MAF: variants seen among roughly 807,000 people sequenced by gnomAD.
The protein encoded by MAF is MAF bZIP transcription factor.
Under a neutral mutation model 22.0 loss-of-function variants are expected in MAF, and 10 were observed. That is an observed-to-expected ratio of 0.45 (90% CI 0.28 to 0.77). The LOEUF (loss-of-function observed/expected upper bound fraction) is 0.77, where lower values mean the gene tolerates loss of function less well. MAF is among the 30% of genes least tolerant of loss of function. The pLI, the probability that MAF is intolerant of heterozygous loss-of-function variation, is 0.12. For missense variants in MAF, 544 were observed against 548.4 expected (o/e 0.99, Z 0.08); for synonymous variants, 337 against 255.8 (o/e 1.32, Z -3.03).
At chr16:79,551,661 T>A in the MAF span, among the ~76,000 whole-genome samples, 1 of 152,190 alleles carries the variant, frequency 6.6e-6, no homozygotes, top group Non-Finnish European at 1.5e-5. Context: ...GCCCAGGAGC[T>A]CAAAATTATT....
the MAF span, among the ~76,000 whole-genome samples, chr16:79,508,212 C>T: frequency 3.9e-5 from 6 of 152,212 alleles, no homozygotes; most frequent in Non-Finnish European, 5.9e-5. Context: ...TGCTCCCTTG[C>T]TCAAATCTGC....
the MAF span, among the ~76,000 whole-genome samples, chr16:79,353,549 A>T: frequency 1.3e-5 from 2 of 152,156 alleles, no homozygotes; most frequent in African/African-American, 2.4e-5. Flanking sequence ...GGGCACTGAG[A>T]GTCGCCGGTA....
At chr16:79,243,199 T>G in the MAF span, among the ~76,000 whole-genome samples, 3 of 151,644 alleles carry the variant, frequency 2.0e-5, no homozygotes, top group Non-Finnish European at 2.9e-5. Context: ...ATAACTAAGA[T>G]GGGAGCAGAA....
At chr16:79,402,024 C>T in the MAF span, among the ~76,000 whole-genome samples, 11 of 152,300 alleles carry the variant, frequency 7.2e-5, no homozygotes, top group Admixed American at 5.2e-4. Context: ...CAAAGTCACA[C>T]AGCTACTAAG....
chr16:79,425,238 T>C, the MAF span, among the ~76,000 whole-genome samples: 1 of 152,228 alleles, frequency 6.6e-6, no homozygotes, highest in Non-Finnish European at 1.5e-5. Context: ...TAATTTATCA[T>C]GATAGTATTG....
chr16:79,578,369 G>A, the MAF span, among the ~76,000 whole-genome samples: 36 of 151,968 alleles, frequency 2.4e-4, no homozygotes, highest in South Asian at 1.2e-3. Context: ...GAATCCAAAG[G>A]CTAAATGCCC....
the MAF span, among the ~76,000 whole-genome samples, chr16:79,492,122 G>T: frequency 3.3e-5 from 5 of 152,332 alleles, no homozygotes; most frequent in Admixed American, 3.3e-4. Flanking sequence ...CCATGAGATA[G>T]AGCAGGCACG....
the MAF span, among the ~76,000 whole-genome samples, chr16:79,502,444 T>A: frequency 6.6e-6 from 1 of 151,982 alleles, no homozygotes; most frequent in Non-Finnish European, 1.5e-5. Context: ...GGTGGGTGGG[T>A]GGCTTGAGGT....
the MAF span, among the ~76,000 whole-genome samples, chr16:79,408,094 A>AAAAAAAC: frequency 6.6e-6 from 1 of 150,938 alleles, no homozygotes; most frequent in African/African-American, 2.4e-5. Context: ...AAAAAAAAAA[A>AAAAAAAC]AAAAAACCTA....
the MAF span, among the ~76,000 whole-genome samples, chr16:79,508,630 G>A: frequency 1.3e-5 from 2 of 152,144 alleles, no homozygotes; most frequent in African/African-American, 4.8e-5. Context: ...TCCTACCAGA[G>A]CCCACTTTCC....
the MAF span, among the ~76,000 whole-genome samples, chr16:79,214,895 G>A: frequency 5.4e-4 from 79 of 147,642 alleles, no homozygotes; most frequent in South Asian, 5.4e-3. Context: ...ATTTTCAGTC[G>A]AGATGGGTTT....
chr16:79,323,893 T>C, the MAF span, among the ~76,000 whole-genome samples: 1 of 152,184 alleles, frequency 6.6e-6, no homozygotes, highest in Non-Finnish European at 1.5e-5. Flanking sequence ...TCCTCCCTTT[T>C]ATTGCCTACG....
chr16:79,281,814 A>G, the MAF span, among the ~76,000 whole-genome samples: 3 of 152,020 alleles, frequency 2.0e-5, no homozygotes, highest in African/African-American at 7.2e-5. Context: ...TAAAGTGCTC[A>G]TCGGAAAATC....
the MAF span, among the ~76,000 whole-genome samples, chr16:79,265,204 G>A: frequency 6.6e-6 from 1 of 152,172 alleles, no homozygotes; most frequent in Non-Finnish European, 1.5e-5. Context: ...GAATAAGGAT[G>A]TATTCCCCCT....
the MAF span, among the ~76,000 whole-genome samples, chr16:79,481,053 C>T: frequency 7.2e-5 from 11 of 152,156 alleles, no homozygotes; most frequent in African/African-American, 2.7e-4. Context: ...TGTTTATTCA[C>T]TTAGTATCAG....
chr16:79,436,284 T>C, the MAF span, among the ~76,000 whole-genome samples: 10 of 152,274 alleles, frequency 6.6e-5, no homozygotes, highest in African/African-American at 2.4e-4. Flanking sequence ...GGTTTTGCCA[T>C]GTTGGCCAGA....
At chr16:79,416,774 G>A in the MAF span, among the ~76,000 whole-genome samples, 1 of 152,182 alleles carries the variant, frequency 6.6e-6, no homozygotes. Context: ...GAAGCAGCTT[G>A]CTACCCTCTC....
At chr16:79,446,747 TAA>T in the MAF span, among the ~76,000 whole-genome samples, 422 of 148,268 alleles carry the variant, frequency 2.8e-3, no homozygotes, top group Non-Finnish European at 4.7e-3. Context: ...CACCCATCTC[TAA>T]AAAAAAAAAA....
chr16:79,293,837 A>AAGAGAGAGAGAG, the MAF span, among the ~76,000 whole-genome samples: 31 of 148,426 alleles, frequency 2.1e-4, no homozygotes, highest in African/African-American at 6.7e-4. Flanking sequence ...TCTAAATGAA[A>AAGAGAGAGAGAG]AGAGAGAGAG....
Sources: gnomAD v4.1 joint callset for allele counts (sites outside exome capture counted in the v4.1 genomes callset) on GRCh38, gnomAD v4.1.1 for gene constraint, MANE v1.5 for transcripts, NCBI Gene and HGNC (gene_info 2026-07-23, HGNC 2026-07-21) for gene names.